PPARG: variants seen among roughly 807,000 people sequenced by gnomAD.
The protein encoded by PPARG is peroxisome proliferator activated receptor gamma.
PPARG carries 17 observed loss-of-function variants against 39.2 expected under a neutral mutation model. That is an observed-to-expected ratio of 0.43 (90% CI 0.30 to 0.65). The LOEUF (loss-of-function observed/expected upper bound fraction) is 0.65. PPARG is among the 30% of genes least tolerant of loss of function. The probability of loss-of-function intolerance (pLI) is 0.13; values close to 1 mark genes in which losing one functional copy is unlikely to be tolerated. For synonymous variants in PPARG, 223 were observed against 215.7 expected, an observed-to-expected ratio of 1.03 and a Z score of -0.30; for missense variants, 406 against 585.9, an observed-to-expected ratio of 0.69 and a Z score of 3.17.
At chr3:12,371,716 C>T (rs2049220990) in intron 2 of PPARG, 1 of 455,844 alleles carries the variant, frequency 2.2e-6, no homozygotes, top group Admixed American at 2.9e-5. Flanking sequence ...ATGCCAGGCT[C>T]AGAGGAGCCA....
At chr3:12,328,419 C>G in intron 2 of PPARG, 1 of 619,270 alleles carries the variant, frequency 1.6e-6, no homozygotes, top group Non-Finnish European at 2.9e-6. Context: ...TCTGCATCAC[C>G]CTGAGCCCCA....
chr3:12,426,408 G>C (rs989700292), intron 7 of PPARG, among the ~76,000 whole-genome samples: 1 of 152,114 alleles, frequency 6.6e-6, no homozygotes, highest in South Asian at 2.1e-4. Context: ...AGCAGTAAAC[G>C]ACATTGCTCC....
chr3:12,363,090 A>T (rs1250287146), intron 2 of PPARG, among the ~76,000 whole-genome samples: 1 of 151,948 alleles, frequency 6.6e-6, no homozygotes, highest in African/African-American at 2.4e-5. Context: ...GCTAATTTTT[A>T]AAAAATTGTT....
At chr3:12,417,888 C>CTT (rs1240237792) in intron 7 of PPARG, among the ~76,000 whole-genome samples, 7 of 64,056 alleles carry the variant, frequency 1.1e-4, no homozygotes, top group African/African-American at 2.2e-4. Flanking sequence ...TTTTTTTTTT[C>CTT]TTTTTTTTTT....
chr3:12,365,064 G>A (rs1235176793), intron 2 of PPARG, among the ~76,000 whole-genome samples: 1 of 152,140 alleles, frequency 6.6e-6, no homozygotes, highest in African/African-American at 2.4e-5. Context: ...AGATCATCAG[G>A]TATTAGATTC....
intron 5 of PPARG, among the ~76,000 whole-genome samples, chr3:12,394,944 A>G (rs376759408): frequency 1.3e-5 from 2 of 152,232 alleles, no homozygotes; most frequent in African/African-American, 2.4e-5. Flanking sequence ...GCAAGAAAAC[A>G]TGAACGTCCC....
chr3:12,310,698 C>A (rs185799861), intron 1 of PPARG, among the ~76,000 whole-genome samples: 9 of 83,670 alleles, frequency 1.1e-4, no homozygotes, highest in African/African-American at 3.7e-4. Flanking sequence ...CTCCAGACCT[C>A]GTGATCCGCC....
At chr3:12,334,996 C>T (rs1446353957) in intron 2 of PPARG, among the ~76,000 whole-genome samples, 1 of 151,970 alleles carries the variant, frequency 6.6e-6, no homozygotes, top group Non-Finnish European at 1.5e-5. Context: ...GTCACAAGGC[C>T]CATCATAATG....
intron 2 of PPARG, among the ~76,000 whole-genome samples, chr3:12,340,905 C>T (rs2048163582): frequency 6.6e-6 from 1 of 152,162 alleles, no homozygotes; most frequent in South Asian, 2.1e-4. Context: ...GATTAGATGG[C>T]TGGGCGTGGT....
chr3:12,349,184 T>C (rs1387480044), intron 2 of PPARG, among the ~76,000 whole-genome samples: 1 of 152,212 alleles, frequency 6.6e-6, no homozygotes, highest in Non-Finnish European at 1.5e-5. Context: ...GCTTATTATT[T>C]ACCACCTAAG....
At chr3:12,402,303 T>A (rs781264351) in intron 5 of PPARG, among the ~76,000 whole-genome samples, 1 of 152,200 alleles carries the variant, frequency 6.6e-6, no homozygotes, top group Non-Finnish European at 1.5e-5. Flanking sequence ...TCTCTGAGTT[T>A]TACACCAGAA....
intron 2 of PPARG, among the ~76,000 whole-genome samples, chr3:12,314,649 C>G (rs17435731): frequency 0.013 from 1,948 of 152,242 alleles, 34 homozygotes; most frequent in African/African-American, 0.045. Flanking sequence ...AAAGACACAT[C>G]TTTGCTAAGG....
intron 5 of PPARG, chr3:12,399,447 C>T (rs2050386253): frequency 3.5e-5 from 16 of 454,754 alleles, no homozygotes; most frequent in South Asian, 2.2e-4. Context: ...GTGAGCCAAG[C>T]GTGGTGGTGC....
rs188562860 is a variant in PPARG, at chr3:12,321,864, C to T, written c.-9+9411C>T. Among the ~76,000 whole-genome samples, 42 of 152,296 alleles carry T rather than the reference C, an allele frequency of 2.8e-4. 1 individual carries two copies. Among genetic ancestry groups the T allele is most frequent in the Non-Finnish European group, 8.8e-5 (6 of 68,032 alleles). On this transcript the variant is annotated intron_variant, in intron 2 of 7. Coordinates refer to ENST00000651735, the MANE Select transcript of PPARG (RefSeq NM_138711.6). ...ACTTCTTGAGAACAGAGACCATGTT[C>T]AGGGATCCCTAGTGCTTAATACAAT...
chr3:12,364,011 A>C (rs775900125), intron 2 of PPARG, among the ~76,000 whole-genome samples: 9 of 117,258 alleles, frequency 7.7e-5, no homozygotes, highest in Non-Finnish European at 1.2e-4. Flanking sequence ...AACATCCTGC[A>C]CCCAAGTGGT....
chr3:12,408,975 A>G (rs2050779087), intron 6 of PPARG, among the ~76,000 whole-genome samples: 1 of 152,196 alleles, frequency 6.6e-6, no homozygotes, highest in African/African-American at 2.4e-5. Context: ...TTTGAGTTAA[A>G]AAATAAGGAG....
chr3:12,325,408 C>T (rs1329621300), intron 2 of PPARG, among the ~76,000 whole-genome samples: 4 of 151,400 alleles, frequency 2.6e-5, no homozygotes, highest in African/African-American at 9.7e-5. Flanking sequence ...GCGACAAGAG[C>T]GAGACTTTGT....
intron 1 of PPARG, among the ~76,000 whole-genome samples, chr3:12,311,256 A>G (rs1447769722): frequency 6.6e-6 from 1 of 152,018 alleles, no homozygotes; most frequent in African/African-American, 2.4e-5. Context: ...GGCACATGCC[A>G]CCATGCCCAG....
In PPARG at chr3:12,417,902, CTTTTTTT is replaced by C. The variant is rs869086237; in HGVS notation, c.1180+765_1180+771del. Among the ~76,000 whole-genome samples, 152 of 65,862 alleles carry C rather than the reference CTTTTTTT, an allele frequency of 2.3e-3. 1 individual carries two copies. In the South Asian group the frequency reaches 0.067, roughly 29 times the overall value. 43.2% of individuals were successfully genotyped at this position (65,862 alleles called of 152,430 possible). On this transcript the variant is annotated intron_variant, in intron 7 of 7. Coordinates refer to ENST00000651735, the MANE Select transcript of PPARG (RefSeq NM_138711.6). Reference sequence around the variant, plus strand: ...CTTTTTTTTTTCTTTTTTTTTTTTCCTTTTTTTTTTTTTTTTTTTTTTTGTGAGACAG... The same window carrying C: ...CTTTTTTTTTTCTTTTTTTTTTTTCCTTTTTTTTTTTTTTTTGTGAGACAG...
Sources: allele counts gnomAD v4.1 joint callset (sites outside exome capture counted in the v4.1 genomes callset), GRCh38; gene constraint gnomAD v4.1.1; transcripts MANE v1.5; gene names NCBI Gene and HGNC (gene_info 2026-07-23, HGNC 2026-07-21).